Variants in MYO16 observed in about 807,000 individuals in gnomAD.
MYO16 encodes the protein unconventional myosin-XVI.
MYO16 carries 94 observed loss-of-function variants against 205.3 expected under a neutral mutation model. That is an observed-to-expected ratio of 0.46 (90% CI 0.39 to 0.54). The LOEUF is 0.54. Among genes scored for constraint, MYO16 ranks in the 20% least tolerant of loss-of-function variants. The pLI is 0.00. For missense variants in MYO16, 2,315 were observed against 2,387.5 expected, an observed-to-expected ratio of 0.97 and a Z score of 0.63; for synonymous variants, 988 against 954.0, an observed-to-expected ratio of 1.04 and a Z score of -0.66.
chr13:108,673,751 G>A (rs1206869898), intron 2 of MYO16, among the ~76,000 whole-genome samples: 2 of 151,930 alleles, frequency 1.3e-5, no homozygotes, highest in African/African-American at 2.4e-5. Flanking sequence ...AATCTGTATC[G>A]AGACTTTTTT....
intron 16 of MYO16, among the ~76,000 whole-genome samples, chr13:108,946,302 G>T (rs1882939101): frequency 6.6e-6 from 1 of 151,946 alleles, no homozygotes; most frequent in Non-Finnish European, 1.5e-5. Flanking sequence ...AAAAAAGGGG[G>T]TTTGACTTTT....
intron 4 of MYO16, among the ~76,000 whole-genome samples, chr13:108,759,681 C>CATA (rs1423983263): frequency 9.9e-5 from 15 of 151,298 alleles, no homozygotes; most frequent in Non-Finnish European, 1.6e-4. Flanking sequence ...ATTAGCCAGG[C>CATA]GTGGGGGCAG....
intron 32 of MYO16, among the ~76,000 whole-genome samples, chr13:109,142,087 A>G (rs1161831795): frequency 1.3e-5 from 2 of 152,312 alleles, no homozygotes; most frequent in East Asian, 3.9e-4. Flanking sequence ...TCCCTGTAGA[A>G]GAATGTACCT....
intron 34 of MYO16, among the ~76,000 whole-genome samples, chr13:109,201,233 T>TA (rs1304782868): frequency 6.6e-6 from 1 of 152,170 alleles, no homozygotes; most frequent in Non-Finnish European, 1.5e-5. Context: ...ATGCATCCTT[T>TA]ACTCATTGCT....
chr13:109,057,820 C>G (rs277835), intron 27 of MYO16, among the ~76,000 whole-genome samples: 1 of 151,850 alleles, frequency 6.6e-6, no homozygotes, highest in Non-Finnish European at 1.5e-5. Context: ...GACCGGGCTC[C>G]CCCTGGTTTG....
chr13:109,170,198 A>G (rs1878868870), intron 33 of MYO16, among the ~76,000 whole-genome samples: 2 of 152,166 alleles, frequency 1.3e-5, no homozygotes, highest in Admixed American at 6.5e-5. Context: ...CTAATATTCA[A>G]CGTTTATTTA....
At chr13:109,067,328 A>G (rs1887784178) in intron 27 of MYO16, among the ~76,000 whole-genome samples, 1 of 152,236 alleles carries the variant, frequency 6.6e-6, no homozygotes, top group Admixed American at 6.5e-5. Context: ...TAAGCCCTTC[A>G]CAAGCATCAT....
At chr13:108,819,093 C>A (rs1179237688) in intron 7 of MYO16, among the ~76,000 whole-genome samples, 2 of 152,140 alleles carry the variant, frequency 1.3e-5, no homozygotes, top group East Asian at 3.9e-4. Context: ...GATATCCCAG[C>A]AATTTCATTT....
At chr13:108,566,883 A>G in the MYO16 span, among the ~76,000 whole-genome samples, 2 of 152,308 alleles carry the variant, frequency 1.3e-5, no homozygotes, top group African/African-American at 4.8e-5. Context: ...AATGTTTTCT[A>G]CAGGCTATCG....
At chr13:109,083,571 T>C (rs557715594) in intron 27 of MYO16, among the ~76,000 whole-genome samples, 16 of 151,882 alleles carry the variant, frequency 1.1e-4, no homozygotes, top group Non-Finnish European at 1.5e-4. Context: ...CGAAACATAA[T>C]GAGAAAAAGA....
chr13:109,116,437 C>T (rs759024881), intron 28 of MYO16, among the ~76,000 whole-genome samples: 8 of 152,092 alleles, frequency 5.3e-5, no homozygotes, highest in Non-Finnish European at 7.4e-5. Context: ...TCGATTGCAA[C>T]GCTGCTCCTT....
At chr13:109,045,288 AC>A (rs933486783) in intron 23 of MYO16, among the ~76,000 whole-genome samples, 64 of 152,180 alleles carry the variant, frequency 4.2e-4, no homozygotes, top group African/African-American at 1.5e-3. Flanking sequence ...ATGTGTAGCA[AC>A]ATCTCTGCCC....
intron 16 of MYO16, among the ~76,000 whole-genome samples, chr13:108,946,522 C>T (rs1043045223): frequency 2.0e-5 from 3 of 151,842 alleles, no homozygotes; most frequent in Non-Finnish European, 2.9e-5. Flanking sequence ...TTCTGTACAC[C>T]CAATATTAAT....
At chr13:108,993,825 G>T (rs1253612365) in intron 21 of MYO16, among the ~76,000 whole-genome samples, 1 of 152,148 alleles carries the variant, frequency 6.6e-6, no homozygotes, top group Non-Finnish European at 1.5e-5. Flanking sequence ...TCAAGGGTTT[G>T]AAGCTGTCTG....
chr13:108,692,496 G>T (rs991636670), intron 2 of MYO16, among the ~76,000 whole-genome samples: 1 of 152,216 alleles, frequency 6.6e-6, no homozygotes, highest in African/African-American at 2.4e-5. Flanking sequence ...CAGATAGATT[G>T]CTCCTGCAGC....
chr13:108,741,118 C>T (rs560383856), intron 4 of MYO16, among the ~76,000 whole-genome samples: 10 of 152,140 alleles, frequency 6.6e-5, no homozygotes, highest in African/African-American at 2.2e-4. Flanking sequence ...TCAGCTCTTA[C>T]TCGGTGGGCT....
intron 24 of MYO16, 150 bp downstream of exon 24, chr13:109,047,141 T>C (rs1887071130): frequency 1.6e-6 from 1 of 609,924 alleles, no homozygotes; most frequent in South Asian, 2.1e-5. Context: ...TAATGAGAAA[T>C]GGGTCTTGCT....
intron 20 of MYO16, among the ~76,000 whole-genome samples, chr13:108,989,580 T>A (rs1884751542): frequency 6.6e-6 from 1 of 152,136 alleles, no homozygotes. Context: ...TAAATAAATG[T>A]TTCTTTTTGT....
intron 2 of MYO16, among the ~76,000 whole-genome samples, chr13:108,688,451 A>G (rs1882766496): frequency 6.6e-6 from 1 of 152,156 alleles, no homozygotes; most frequent in Admixed American, 6.5e-5. Flanking sequence ...ACATAACTGA[A>G]TTAGTTCATC....
Sources: allele counts gnomAD v4.1 joint callset (sites outside exome capture counted in the v4.1 genomes callset), GRCh38; gene constraint gnomAD v4.1.1; transcripts MANE v1.5; gene names NCBI Gene and HGNC (gene_info 2026-07-23, HGNC 2026-07-21).